Variants in GSE1 observed in about 807,000 individuals in gnomAD.
The protein encoded by GSE1 is Gse1 coiled-coil protein.
GSE1 carries 32 observed loss-of-function variants against 112.6 expected under a neutral mutation model. The ratio of observed to expected loss-of-function variants is 0.28; its 90% CI spans 0.21 to 0.38. GSE1 has a LOEUF of 0.38. GSE1 is among the 10% of genes least tolerant of loss of function. GSE1 has a pLI of 1.00. For missense variants in GSE1, 2,348 were observed against 1,699.2 expected, an observed-to-expected ratio of 1.38 and a Z score of -6.71; for synonymous variants, 1,115 against 735.6, an observed-to-expected ratio of 1.52 and a Z score of -8.35.
chr16:85,348,429 A>G (rs2046787689), intron 1 of GSE1, among the ~76,000 whole-genome samples: 1 of 152,200 alleles, frequency 6.6e-6, no homozygotes, highest in African/African-American at 2.4e-5. Flanking sequence ...GAGGCCAGGA[A>G]CATGACATGG....
At chr16:85,505,346 G>T (rs927714854) in intron 2 of GSE1, among the ~76,000 whole-genome samples, 1 of 152,164 alleles carries the variant, frequency 6.6e-6, no homozygotes, top group South Asian at 2.1e-4. Context: ...AGTCCCACCC[G>T]GGAGGCCTTC....
At chr16:85,671,692 CTGTTTG>C (rs894076264) in intron 15 of GSE1, 1 of 153,324 alleles carries the variant, frequency 6.5e-6, no homozygotes, top group Non-Finnish European at 1.5e-5. Context: ...GGTAGGGATG[CTGTTTG>C]TAGAATGAAT....
intron 1 of GSE1, among the ~76,000 whole-genome samples, chr16:85,330,471 G>A (rs1355940151): frequency 1.3e-5 from 2 of 152,214 alleles, no homozygotes; most frequent in Admixed American, 6.5e-5. Flanking sequence ...CCAAGAGGGT[G>A]GATATGTGTT....
At chr16:85,330,431 C>T (rs1048207451) in intron 1 of GSE1, among the ~76,000 whole-genome samples, 6 of 152,216 alleles carry the variant, frequency 3.9e-5, no homozygotes, top group Non-Finnish European at 5.9e-5. Context: ...GACTTTAGTC[C>T]AGCAAGACCC....
At chr16:85,339,613 C>T (rs903934909) in intron 1 of GSE1, among the ~76,000 whole-genome samples, 8 of 24,292 alleles carry the variant, frequency 3.3e-4, no homozygotes, top group East Asian at 1.2e-3. Context: ...CGTGGATGTG[C>T]GGAGGGGGAG....
At chr16:85,501,592 G>A (rs1276539321) in intron 2 of GSE1, among the ~76,000 whole-genome samples, 7 of 151,438 alleles carry the variant, frequency 4.6e-5, no homozygotes, top group African/African-American at 1.5e-4. Flanking sequence ...ACTAGGTTTC[G>A]CTATGTTGCC....
intron 2 of GSE1, among the ~76,000 whole-genome samples, chr16:85,444,378 G>A (rs963230693): frequency 9.9e-5 from 15 of 152,184 alleles, no homozygotes; most frequent in African/African-American, 3.1e-4. Context: ...CCAGGGAGGC[G>A]AGAGAGATGG....
At chr16:85,416,687 G>A (rs1348435937) in intron 2 of GSE1, among the ~76,000 whole-genome samples, 1 of 152,220 alleles carries the variant, frequency 6.6e-6, no homozygotes, top group African/African-American at 2.4e-5. Context: ...ATTCTTCATG[G>A]GAACCCAAGA....
intron 2 of GSE1, among the ~76,000 whole-genome samples, chr16:85,512,224 C>T (rs545253074): frequency 2.0e-5 from 3 of 152,324 alleles, no homozygotes; most frequent in Admixed American, 2.0e-4. Flanking sequence ...AGAGCCCCCT[C>T]AACGCCAAGC....
chr16:85,292,485 C>A (rs764661494), intron 1 of GSE1, among the ~76,000 whole-genome samples: 1 of 152,102 alleles, frequency 6.6e-6, no homozygotes, highest in Admixed American at 6.6e-5. Context: ...CGTGCCACCA[C>A]GTCCAGCTAA....
chr16:85,652,987 C>A (rs997623759), intron 3 of GSE1, among the ~76,000 whole-genome samples: 9 of 151,616 alleles, frequency 5.9e-5, no homozygotes, highest in Non-Finnish European at 1.0e-4. Context: ...GGCTCTGCAT[C>A]CCTGGGAAGC....
chr16:85,595,315 A>T (rs959019492), intron 1 of GSE1: 2 of 152,240 alleles, frequency 1.3e-5, no homozygotes, highest in African/African-American at 4.8e-5. Flanking sequence ...GAAACTCAGG[A>T]AGCATCCTTT....
chr16:85,430,331 G>A (rs577044763), intron 2 of GSE1, among the ~76,000 whole-genome samples: 2 of 152,272 alleles, frequency 1.3e-5, no homozygotes, highest in South Asian at 2.1e-4. Flanking sequence ...GATAATGGCC[G>A]GACACCCAGA....
chr16:85,638,061 G>A (rs537341650), intron 2 of GSE1, among the ~76,000 whole-genome samples: 66 of 152,280 alleles, frequency 4.3e-4, no homozygotes, highest in Admixed American at 3.5e-3. Context: ...GGCCCCAGCC[G>A]CCTGCGGCAA....
chr16:85,272,431 G>C (rs567579411), intron 1 of GSE1, among the ~76,000 whole-genome samples: 1 of 149,700 alleles, frequency 6.7e-6, no homozygotes, highest in Non-Finnish European at 1.5e-5. Context: ...AATGCTGACA[G>C]TTTCTATTTT....
intron 2 of GSE1, among the ~76,000 whole-genome samples, chr16:85,403,308 G>C (rs2048163011): frequency 6.6e-6 from 1 of 152,190 alleles, no homozygotes; most frequent in African/African-American, 2.4e-5. Context: ...CATTCATTAG[G>C]GGCAAGTCAC....
intron 1 of GSE1, among the ~76,000 whole-genome samples, chr16:85,338,009 C>T (rs2046542448): frequency 6.6e-6 from 1 of 152,234 alleles, no homozygotes; most frequent in Admixed American, 6.5e-5. Context: ...CCCCTGGGCT[C>T]TCCCTCACCT....
At chr16:85,299,517 T>C (rs1159492921) in intron 1 of GSE1, among the ~76,000 whole-genome samples, 1 of 152,262 alleles carries the variant, frequency 6.6e-6, no homozygotes, top group East Asian at 1.9e-4. Flanking sequence ...GGCCTGCCTC[T>C]GGGCCTCCAG....
At chr16:85,633,732 G>A (rs2049744650) in intron 1 of GSE1, among the ~76,000 whole-genome samples, 182 bp from the exon 2 acceptor site, 1 of 152,188 alleles carries the variant, frequency 6.6e-6, no homozygotes, top group African/African-American at 2.4e-5. Flanking sequence ...GCTGGACTCT[G>A]GGGACGGGGT....
Sources: allele counts gnomAD v4.1 joint callset (sites outside exome capture counted in the v4.1 genomes callset), GRCh38; gene constraint gnomAD v4.1.1; transcripts MANE v1.5; gene names NCBI Gene and HGNC (gene_info 2026-07-23, HGNC 2026-07-21).